Variants in GOLM2 observed in about 807,000 individuals in gnomAD.
GOLM2 encodes the protein protein GOLM2.
In GOLM2, 26 loss-of-function variants were observed where a neutral mutation model predicts 55.9. The ratio of observed to expected loss-of-function variants is 0.47; its 90% CI spans 0.34 to 0.65. The LOEUF (loss-of-function observed/expected upper bound fraction) is 0.65, where lower values mean the gene tolerates loss of function less well. Among genes scored for constraint, GOLM2 ranks in the 30% least tolerant of loss-of-function variants. GOLM2 has a pLI of 0.01. For missense variants in GOLM2, 486 were observed against 531.8 expected (o/e 0.91, Z 0.85); for synonymous variants, 165 against 194.6 (o/e 0.85, Z 1.27).
chr15:44,414,455 A>G lies in GOLM2; in HGVS notation c.*1049A>G, dbSNP rs544943624. The G allele has an allele frequency of 6.6e-6, 1 of 152,314 alleles. No homozygotes were observed. The highest frequency in any genetic ancestry group is 6.5e-5 in the Admixed American group (1 of 15,292). 9.4% of individuals were successfully genotyped at this position (152,314 alleles called of 1,614,324 possible). On this transcript the variant is annotated 3_prime_UTR_variant, in exon 10 of 10. Transcript: ENST00000299957. ...ATATATTTTTAATTTTTATTTTTTC[A>G]AGTAATACCAGTACTGTTTAACTAT...
intron 6 of GOLM2, among the ~76,000 whole-genome samples, chr15:44,362,893 T>C (rs1192336813): frequency 1.3e-5 from 2 of 152,118 alleles, no homozygotes; most frequent in Non-Finnish European, 2.9e-5. Context: ...ACGCCGCATA[T>C]CTACAGCTAT....
intron 1 of GOLM2, among the ~76,000 whole-genome samples, chr15:44,301,107 G>A (rs1406700042): frequency 6.6e-6 from 1 of 151,970 alleles, no homozygotes; most frequent in Non-Finnish European, 1.5e-5. Context: ...TTCAACTTAG[G>A]GGAACATTTT....
intron 6 of GOLM2, among the ~76,000 whole-genome samples, chr15:44,369,480 T>C (rs2079314776): frequency 6.6e-6 from 1 of 151,898 alleles, no homozygotes; most frequent in African/African-American, 2.4e-5. Context: ...GTAAGCTTCG[T>C]AGGACAATAA....
At chr15:44,349,694 TCTC>T (rs2079148862) in intron 6 of GOLM2, among the ~76,000 whole-genome samples, 1 of 152,138 alleles carries the variant, frequency 6.6e-6, no homozygotes, top group Admixed American at 6.6e-5. Context: ...TACACATTCT[TCTC>T]CTCAGTACAT....
At chr15:44,361,147 G>C (rs2079235135) in intron 6 of GOLM2, among the ~76,000 whole-genome samples, 1 of 150,618 alleles carries the variant, frequency 6.6e-6, no homozygotes, top group Non-Finnish European at 1.5e-5. Flanking sequence ...AAAAGAACTA[G>C]AAAAGCAAGA....
chr15:44,349,581 A>T (rs1728826425), intron 6 of GOLM2, among the ~76,000 whole-genome samples: 2 of 152,230 alleles, frequency 1.3e-5, no homozygotes, highest in Admixed American at 6.5e-5. Context: ...TGGACAGATC[A>T]TCCAGACAGA....
At chr15:44,309,809 A>T (rs2078861296) in intron 1 of GOLM2, among the ~76,000 whole-genome samples, 1 of 152,190 alleles carries the variant, frequency 6.6e-6, no homozygotes, top group Admixed American at 6.5e-5. Context: ...ATGTCCAAGG[A>T]AATAGAGCTA....
At chr15:44,322,376 A>T (rs1035400102) in intron 1 of GOLM2, among the ~76,000 whole-genome samples, 1 of 152,152 alleles carries the variant, frequency 6.6e-6, no homozygotes, top group Non-Finnish European at 1.5e-5. Context: ...AAAAAAACAA[A>T]TCATTTTTCC....
At chr15:44,312,523 A>G (rs1308704001) in intron 1 of GOLM2, among the ~76,000 whole-genome samples, 1 of 152,184 alleles carries the variant, frequency 6.6e-6, no homozygotes, top group Non-Finnish European at 1.5e-5. Flanking sequence ...TCCATTCTCC[A>G]GGGCCAGCCT....
chr15:44,305,730 A>AAG (rs367923150), intron 1 of GOLM2, among the ~76,000 whole-genome samples: 5 of 152,338 alleles, frequency 3.3e-5, no homozygotes, highest in African/African-American at 1.2e-4. Context: ...GTTAAATAAT[A>AAG]AGATTTGAAA....
chr15:44,378,831 C>G (rs974092778), intron 6 of GOLM2, among the ~76,000 whole-genome samples: 1 of 151,252 alleles, frequency 6.6e-6, no homozygotes, highest in Non-Finnish European at 1.5e-5. Flanking sequence ...CTGCAACTTC[C>G]GCCTCCCAGA....
intron 9 of GOLM2, among the ~76,000 whole-genome samples, chr15:44,408,878 G>C (rs962620069): frequency 6.6e-6 from 1 of 152,136 alleles, no homozygotes; most frequent in Non-Finnish European, 1.5e-5. Context: ...GCAGGAGAAT[G>C]GTGTGAACCT....
At chr15:44,318,114 C>CA (rs1213794802) in intron 1 of GOLM2, among the ~76,000 whole-genome samples, 1 of 152,170 alleles carries the variant, frequency 6.6e-6, no homozygotes, top group Non-Finnish European at 1.5e-5. Context: ...AATATGTAAA[C>CA]AAATTAGTGT....
chr15:44,295,647 T>C (rs1240410236), intron 1 of GOLM2, among the ~76,000 whole-genome samples: 3 of 152,204 alleles, frequency 2.0e-5, no homozygotes, highest in Non-Finnish European at 4.4e-5. Flanking sequence ...GGGTTGTTTT[T>C]CTCTGAACTT....
Position 44,413,295 on chromosome 15 carries a change from T to G in GOLM2, c.1241-41T>G, listed in dbSNP as rs373907108. ...ACATTAATTGGATTTCTGCAGTGAT[T>G]TAAAAAATAATATGTTGATACAAAA... On this transcript the variant is annotated intron_variant, in intron 9 of 9. Transcript: ENST00000299957. 1.3e-4 allele frequency: 188 copies of G among 1,465,816 alleles called. 3 individuals are homozygous for G. Among genetic ancestry groups the G allele is most frequent in the East Asian group, 7.3e-4 (32 of 43,886 alleles). 90.8% of individuals were successfully genotyped at this position (1,465,816 alleles called of 1,614,324 possible).
chr15:44,356,129 A>G (rs933020085), intron 6 of GOLM2, among the ~76,000 whole-genome samples: 2 of 152,166 alleles, frequency 1.3e-5, no homozygotes, highest in African/African-American at 2.4e-5. Context: ...TTAGAAAAGT[A>G]GAAAGGTCTA....
chr15:44,333,414 A>C (rs1045747222), intron 4 of GOLM2, among the ~76,000 whole-genome samples: 1 of 152,188 alleles, frequency 6.6e-6, no homozygotes, highest in African/African-American at 2.4e-5. Context: ...TCACAATTTT[A>C]TAGTAGGATA....
chr15:44,338,435 T>C, intron 6 of GOLM2, 118 bp downstream of exon 6: 3 of 725,744 alleles, frequency 4.1e-6, no homozygotes, highest in African/African-American at 1.8e-5. Flanking sequence ...TCGATATTTC[T>C]ACTTAATTAA....
rs1192628777 is a variant in GOLM2 at position 44,358,285 on chromosome 15, C to T, written c.802+19968C>T. On this transcript the variant is annotated intron_variant, in intron 6 of 9. Transcript: ENST00000299957. ...ATGAGAGTCACTTGAACCCAGGAGG[C>T]GGAGGTTGCAGTGAGCCAAGAGCAC... Among the ~76,000 whole-genome samples, 9 of 152,250 alleles carry T rather than the reference C, an allele frequency of 5.9e-5. No individual in the cohort carries two copies. The South Asian group carries it at 1.5e-3, about 25-fold the overall frequency.
Sources: allele counts gnomAD v4.1 joint callset (sites outside exome capture counted in the v4.1 genomes callset), GRCh38; gene constraint gnomAD v4.1.1; transcripts MANE v1.5; gene names NCBI Gene and HGNC (gene_info 2026-07-23, HGNC 2026-07-21).